The following TBXAS1 variants were observed in gnomAD, a reference collection of about 807,000 sequenced individuals.
TBXAS1 encodes thromboxane-A synthase.
TBXAS1 carries 48 observed loss-of-function variants against 60.7 expected under a neutral mutation model. That is an observed-to-expected ratio of 0.79 (90% confidence interval 0.63 to 1.01). The LOEUF is 1.01. TBXAS1 is among the 50% of genes least tolerant of loss of function. The pLI is 0.00. For missense variants in TBXAS1, 685 were observed against 686.3 expected, an observed-to-expected ratio of 1.00 and a Z score of 0.02; for synonymous variants, 287 against 269.7, an observed-to-expected ratio of 1.06 and a Z score of -0.63.
chr7:139,917,630 T>C (rs1806107620), intron 4 of TBXAS1, among the ~76,000 whole-genome samples: 1 of 152,238 alleles, frequency 6.6e-6, no homozygotes, highest in South Asian at 2.1e-4. Flanking sequence ...TAGCTAAGTT[T>C]TAATTCTAAC....
At chr7:139,888,336 G>A (rs1458091319) in intron 3 of TBXAS1, among the ~76,000 whole-genome samples, 1 of 152,076 alleles carries the variant, frequency 6.6e-6, no homozygotes. Flanking sequence ...CATAAATTTT[G>A]TCTTCTGTGT....
chr7:139,810,511 G>C (rs945350223), intron 4 of TBXAS1, among the ~76,000 whole-genome samples: 1 of 152,198 alleles, frequency 6.6e-6, no homozygotes, highest in East Asian at 1.9e-4. Flanking sequence ...TAAAGGTATT[G>C]ACAATGTTTT....
chr7:140,005,453 A>G (rs531567290), intron 9 of TBXAS1, among the ~76,000 whole-genome samples: 13 of 152,188 alleles, frequency 8.5e-5, no homozygotes, highest in South Asian at 6.2e-4. Context: ...TAAATAAAAG[A>G]TAAAGTTATG....
intron 9 of TBXAS1, among the ~76,000 whole-genome samples, chr7:139,972,786 G>T (rs1288386717): frequency 6.6e-6 from 1 of 152,126 alleles, no homozygotes; most frequent in African/African-American, 2.4e-5. Flanking sequence ...TCCCAGCCAG[G>T]ATGTAAACCC....
rs748558139 is a variant in TBXAS1 at position 139,955,571 on chromosome 7, G to A, written c.652G>A (p.Glu218Lys). 5.6e-6 allele frequency: 9 copies of A among 1,614,018 alleles called. No individual in the cohort carries two copies. Among genetic ancestry groups the A allele is most frequent in the Middle Eastern group, 3.3e-4 (2 of 6,084 alleles). ...PFVKHCKRFF[E>K]FCIPRPILVL... Reference sequence around the variant, plus strand: ...TGTGAAACACTGCAAGCGTTTCTTCGAATTCTGCATCCCCAGACCTATCCT... The same window carrying A: ...TGTGAAACACTGCAAGCGTTTCTTCAAATTCTGCATCCCCAGACCTATCCT... Residue 218 changes from glutamate to lysine, a missense_variant, in exon 7 of 13, where the codon GAA becomes AAA. By Grantham distance (56) the Glu-to-Lys change is moderately conservative. Coordinates refer to ENST00000448866, the MANE Select transcript of TBXAS1 (RefSeq NM_001061.7).
intron 3 of TBXAS1, among the ~76,000 whole-genome samples, chr7:139,886,516 G>A (rs989288517): frequency 7.2e-6 from 1 of 139,784 alleles, no homozygotes. Flanking sequence ...GGTCTTTTTT[G>A]TTAAAACACC....
intron 4 of TBXAS1, among the ~76,000 whole-genome samples, chr7:139,791,757 G>A (rs1302132510): frequency 6.6e-6 from 1 of 151,734 alleles, no homozygotes; most frequent in Non-Finnish European, 1.5e-5. Flanking sequence ...GGAGGCAGTG[G>A]CAGAGACATG....
In TBXAS1 at chr7:140,004,905, G is replaced by A. The variant is rs1398637877; in HGVS notation, c.1135-2186G>A. Among the ~76,000 whole-genome samples, 1 of 152,220 alleles carries A rather than the reference G, an allele frequency of 6.6e-6. No individual in the cohort carries two copies. The highest frequency in any genetic ancestry group is 1.5e-5 in the Non-Finnish European group (1 of 68,044). On this transcript the variant is annotated intron_variant, in intron 9 of 12. Transcript: ENST00000448866. This position sits in a 1 kb window ranked among gnomAD's most constrained non-coding sequence, Gnocchi z 5.1. ...CACTGTGTGCTGCCAGCCTAGGGCA[G>A]GGACGGCCACCACCATGCCAACCCG... is the stretch of plus-strand genomic sequence containing the variant.
chr7:139,847,867 G>C (rs1211599243), intron 1 of TBXAS1, among the ~76,000 whole-genome samples: 1 of 152,108 alleles, frequency 6.6e-6, no homozygotes, highest in African/African-American at 2.4e-5. Flanking sequence ...TGTCACCCAT[G>C]CTGAAGTGCA....
rs986576807 is a variant in TBXAS1, at chr7:140,004,921, T to C, written c.1135-2170T>C. On this transcript the variant is annotated intron_variant, in intron 9 of 12. Coordinates refer to ENST00000448866, the MANE Select transcript of TBXAS1 (RefSeq NM_001061.7). The surrounding 1 kb of genome is among the most constrained non-coding windows in gnomAD (Gnocchi z 5.1). ...CCTAGGGCAGGGACGGCCACCACCA[T>C]GCCAACCCGAGATGCTGCAGGGTGC... Among the ~76,000 whole-genome samples the C allele has an allele frequency of 6.6e-6, 1 of 152,152 alleles. No individual in the cohort carries two copies. The highest frequency in any genetic ancestry group is 2.4e-5 in the African/African-American group (1 of 41,424).
intron 3 of TBXAS1, among the ~76,000 whole-genome samples, chr7:139,878,066 T>G (rs991523886): frequency 2.7e-5 from 4 of 150,620 alleles, no homozygotes; most frequent in Non-Finnish European, 5.9e-5. Flanking sequence ...AAATGCCAAA[T>G]TAAGAGTTTA....
intron 5 of TBXAS1, chr7:139,952,715 A>T: frequency 6.7e-7 from 1 of 1,496,260 alleles, no homozygotes; most frequent in Non-Finnish European, 8.9e-7. Context: ...CTAACATAAA[A>T]GTATTTTCCT....
At chr7:139,791,789 C>T (rs1189231995) in intron 4 of TBXAS1, among the ~76,000 whole-genome samples, 1 of 141,906 alleles carries the variant, frequency 7.0e-6, no homozygotes, top group Non-Finnish European at 1.5e-5. Context: ...TTTTTCTTTA[C>T]ATATCTTTGG....
At chr7:139,972,798 A>T (rs1283944488) in intron 9 of TBXAS1, among the ~76,000 whole-genome samples, 1 of 152,186 alleles carries the variant, frequency 6.6e-6, no homozygotes, top group Non-Finnish European at 1.5e-5. Flanking sequence ...TGTAAACCCC[A>T]CGACTAGGAA....
At position 140,017,659 on chromosome 7, in the gene TBXAS1, A is replaced by G; in HGVS notation, c.1365-12A>G. The G allele has an allele frequency of 6.8e-6, 11 of 1,612,356 alleles. No homozygotes were observed. The highest frequency in any genetic ancestry group is 1.1e-5 in the South Asian group (1 of 90,976). Reference sequence around the variant, plus strand: ...GGTGTTCTGGGCCAGCCCTGACCACACGGACCTGCAGGTTCACGGCTGAGG... The same window carrying G: ...GGTGTTCTGGGCCAGCCCTGACCACGCGGACCTGCAGGTTCACGGCTGAGG... On this transcript the variant is annotated splice_polypyrimidine_tract_variant and intron_variant, in intron 11 of 12. Coordinates refer to ENST00000448866, the MANE Select transcript of TBXAS1 (RefSeq NM_001061.7).
chr7:139,991,964 G>A (rs779134170), intron 9 of TBXAS1, among the ~76,000 whole-genome samples: 1 of 152,344 alleles, frequency 6.6e-6, no homozygotes, highest in South Asian at 2.1e-4. Flanking sequence ...TGGAGTATGG[G>A]TCTCACTTGC....
At chr7:139,905,009 T>TTCTC (rs1205031561) in intron 3 of TBXAS1, among the ~76,000 whole-genome samples, 290 of 63,824 alleles carry the variant, frequency 4.5e-3, no homozygotes, top group South Asian at 9.7e-3. Flanking sequence ...CTTTCTCTCT[T>TTCTC]TCTTTCTTTC....
rs1375744984 is a variant in TBXAS1 at position 139,924,512 on chromosome 7, T to C, written c.334-11679T>C. On this transcript the variant is annotated intron_variant, in intron 4 of 12. Transcript: ENST00000448866. ...TTTTTTAATAGGATTATTAGGTTTT[T>C]TTCCTGCAGAGTTGTTTGAGCTCCT... Among the ~76,000 whole-genome samples the C allele has an allele frequency of 2.6e-5, 4 of 152,182 alleles. No homozygotes were observed. In the East Asian group the frequency reaches 5.8e-4, roughly 22 times the overall value.
chr7:139,892,867 C>A (rs1803749988), intron 3 of TBXAS1, among the ~76,000 whole-genome samples: 1 of 152,086 alleles, frequency 6.6e-6, no homozygotes, highest in Non-Finnish European at 1.5e-5. Context: ...GTCCTCTCAC[C>A]CTCATGTCTC....
Sources: allele counts gnomAD v4.1 joint callset (sites outside exome capture counted in the v4.1 genomes callset), GRCh38; gene constraint gnomAD v4.1.1; non-coding constraint Gnocchi (gnomAD v3.1); transcripts MANE v1.5; gene names NCBI Gene and HGNC (gene_info 2026-07-23, HGNC 2026-07-21).